SPOCK1: variants seen among roughly 807,000 people sequenced by gnomAD.
SPOCK1 encodes SPARC (osteonectin), cwcv and kazal like domains proteoglycan 1.
In SPOCK1, 23 loss-of-function variants were observed where a neutral mutation model predicts 55.3. The ratio of observed to expected loss-of-function variants is 0.42; its 90% CI spans 0.30 to 0.59. SPOCK1 has a LOEUF of 0.59. SPOCK1 is among the 20% of genes least tolerant of loss of function. SPOCK1 has a pLI of 0.22. For missense variants in SPOCK1, 499 were observed against 552.5 expected (o/e 0.90, Z 0.97); for synonymous variants, 226 against 221.0 (o/e 1.02, Z -0.20).
At chr5:137,266,050 C>T (rs1226913107) in intron 3 of SPOCK1, among the ~76,000 whole-genome samples, 3 of 152,150 alleles carry the variant, frequency 2.0e-5, no homozygotes, top group Non-Finnish European at 4.4e-5. Flanking sequence ...ACCATTTTTG[C>T]TTACGAGAAA....
At chr5:137,437,276 G>A (rs1489316337) in intron 2 of SPOCK1, among the ~76,000 whole-genome samples, 1 of 152,154 alleles carries the variant, frequency 6.6e-6, no homozygotes, top group African/African-American at 2.4e-5. Flanking sequence ...TTGGAGCTGA[G>A]CCAAGACAGA....
intron 6 of SPOCK1, among the ~76,000 whole-genome samples, chr5:136,999,514 C>A (rs1250989693): frequency 6.6e-6 from 1 of 152,102 alleles, no homozygotes; most frequent in Non-Finnish European, 1.5e-5. Context: ...ATCCAAGCGT[C>A]TTTGAAAAAT....
At chr5:137,263,817 C>A (rs1259716069) in intron 3 of SPOCK1, among the ~76,000 whole-genome samples, 1 of 152,074 alleles carries the variant, frequency 6.6e-6, no homozygotes, top group African/African-American at 2.4e-5. Context: ...CCATTATACT[C>A]CACTGACAGA....
chr5:137,242,966 A>C (rs534990119), intron 3 of SPOCK1, among the ~76,000 whole-genome samples: 1 of 151,908 alleles, frequency 6.6e-6, no homozygotes, highest in Non-Finnish European at 1.5e-5. Flanking sequence ...CAGTGGTGAC[A>C]GGGTGAGAAA....
chr5:137,333,178 G>A (rs963745202), intron 2 of SPOCK1, among the ~76,000 whole-genome samples: 1 of 152,210 alleles, frequency 6.6e-6, no homozygotes, highest in Admixed American at 6.5e-5. Context: ...AGGCAAAAGG[G>A]CCTAAGTGTA....
chr5:137,074,603 G>A (rs896430887), intron 5 of SPOCK1, among the ~76,000 whole-genome samples: 13 of 152,000 alleles, frequency 8.6e-5, no homozygotes, highest in Admixed American at 3.3e-4. Context: ...TGCAACCTCC[G>A]CCTCCCAGGT....
intron 2 of SPOCK1, among the ~76,000 whole-genome samples, chr5:137,343,121 A>T (rs191587487): frequency 6.6e-4 from 101 of 152,368 alleles, no homozygotes; most frequent in African/African-American, 2.1e-3. Flanking sequence ...CCCGACACTT[A>T]TCCACTCCCA....
intron 2 of SPOCK1, among the ~76,000 whole-genome samples, chr5:137,416,209 A>G (rs943255152): frequency 2.6e-5 from 4 of 152,136 alleles, no homozygotes; most frequent in Non-Finnish European, 4.4e-5. Flanking sequence ...TATACCAAGC[A>G]AAAATGTCTT....
chr5:137,243,870 C>T (rs144140169), intron 3 of SPOCK1, among the ~76,000 whole-genome samples: 6 of 152,272 alleles, frequency 3.9e-5, no homozygotes, highest in East Asian at 1.9e-4. Context: ...CACTGTTCCG[C>T]GGACTTGCAT....
At chr5:137,033,334 G>A (rs1028935135) in intron 6 of SPOCK1, among the ~76,000 whole-genome samples, 9 of 152,208 alleles carry the variant, frequency 5.9e-5, no homozygotes, top group East Asian at 1.9e-4. Context: ...AACATGCTAC[G>A]TGCCTTCGAA....
intron 5 of SPOCK1, among the ~76,000 whole-genome samples, chr5:137,086,550 G>C (rs1453529626): frequency 3.3e-5 from 5 of 152,178 alleles, no homozygotes; most frequent in African/African-American, 1.2e-4. Flanking sequence ...ATTGAATAAA[G>C]GCCTTCTCGG....
At chr5:137,349,564 T>C (rs958189011) in intron 2 of SPOCK1, among the ~76,000 whole-genome samples, 1 of 152,206 alleles carries the variant, frequency 6.6e-6, no homozygotes, top group Non-Finnish European at 1.5e-5. Flanking sequence ...ACAGAAATTA[T>C]TGTCTCACAG....
intron 2 of SPOCK1, among the ~76,000 whole-genome samples, chr5:137,480,067 A>T (rs776747282): frequency 1.3e-5 from 2 of 152,216 alleles, no homozygotes; most frequent in Non-Finnish European, 2.9e-5. Flanking sequence ...CTGATGTAAG[A>T]TGGAAGTTGT....
At chr5:137,258,378 G>C (rs1164269529) in intron 3 of SPOCK1, among the ~76,000 whole-genome samples, 1 of 152,212 alleles carries the variant, frequency 6.6e-6, no homozygotes, top group East Asian at 1.9e-4. Context: ...CAGTACAATT[G>C]AGGAGCTTAA....
At chr5:137,393,029 C>G (rs2127180147) in intron 2 of SPOCK1, among the ~76,000 whole-genome samples, 1 of 152,302 alleles carries the variant, frequency 6.6e-6, no homozygotes, top group South Asian at 2.1e-4. Flanking sequence ...ACATCCAGTG[C>G]TTTCTCCACA....
chr5:137,312,248 G>T (rs1032911946), intron 2 of SPOCK1, among the ~76,000 whole-genome samples: 1 of 152,136 alleles, frequency 6.6e-6, no homozygotes, highest in Non-Finnish European at 1.5e-5. Flanking sequence ...TACCATGCCT[G>T]GTCCCAGGCA....
intron 2 of SPOCK1, among the ~76,000 whole-genome samples, chr5:137,333,696 G>A (rs899260357): frequency 6.6e-6 from 1 of 152,168 alleles, no homozygotes; most frequent in African/African-American, 2.4e-5. Context: ...CTGTATGCCC[G>A]GCACCCAAGT....
intron 3 of SPOCK1, among the ~76,000 whole-genome samples, chr5:137,214,186 T>C (rs1755669837): frequency 6.6e-6 from 1 of 152,124 alleles, no homozygotes; most frequent in Admixed American, 6.5e-5. Context: ...TCTCAACTTA[T>C]CTCCCCAACC....
chr5:137,122,378 G>A (rs544753126), intron 4 of SPOCK1, among the ~76,000 whole-genome samples: 1 of 152,160 alleles, frequency 6.6e-6, no homozygotes, highest in Non-Finnish European at 1.5e-5. Flanking sequence ...TAAACGAACA[G>A]TTGAGCTTTT....
Sources: allele counts gnomAD v4.1 joint callset (sites outside exome capture counted in the v4.1 genomes callset), GRCh38; gene constraint gnomAD v4.1.1; transcripts MANE v1.5; gene names NCBI Gene and HGNC (gene_info 2026-07-23, HGNC 2026-07-21).